The following GKAP1 variants were observed in gnomAD, a reference collection of about 807,000 sequenced individuals.
The protein encoded by GKAP1 is G kinase-anchoring protein 1.
Under a neutral mutation model 56.7 loss-of-function variants are expected in GKAP1, and 31 were observed. The ratio of observed to expected loss-of-function variants is 0.55; its 90% CI spans 0.41 to 0.74. The LOEUF (loss-of-function observed/expected upper bound fraction) is 0.74. Ranked by LOEUF, GKAP1 falls within the 30% of genes least tolerant of loss-of-function variation. The pLI is 0.00. For synonymous variants in GKAP1, 151 were observed against 138.6 expected, an observed-to-expected ratio of 1.09 and a Z score of -0.63; for missense variants, 364 against 402.3, an observed-to-expected ratio of 0.90 and a Z score of 0.82.
intron 8 of GKAP1, among the ~76,000 whole-genome samples, chr9:83,754,282 C>T (rs1943439485): frequency 6.6e-6 from 1 of 152,126 alleles, no homozygotes; most frequent in Non-Finnish European, 1.5e-5. Context: ...TCATCTTGCA[C>T]CATATACCAA....
At chr9:83,740,718 C>T (rs1351387901) in intron 12 of GKAP1, among the ~76,000 whole-genome samples, 2 of 152,102 alleles carry the variant, frequency 1.3e-5, no homozygotes, top group African/African-American at 4.8e-5. Flanking sequence ...CAATGATCAG[C>T]CAAGTTTGGG....
At chr9:83,761,116 A>G (rs1176273146) in intron 8 of GKAP1, among the ~76,000 whole-genome samples, 1 of 151,598 alleles carries the variant, frequency 6.6e-6, no homozygotes, top group Non-Finnish European at 1.5e-5. Flanking sequence ...ATTAAACTTG[A>G]AAAAAAACCT....
intron 3 of GKAP1, among the ~76,000 whole-genome samples, chr9:83,804,093 C>G (rs1315531430): frequency 4.6e-5 from 7 of 150,682 alleles, no homozygotes; most frequent in Non-Finnish European, 7.4e-5. Context: ...GCGTCTCCGC[C>G]CGGCAGCCGC....
At chr9:83,780,439 T>C (rs199669659) in intron 6 of GKAP1, 35 bp from the exon 7 acceptor site, 166 of 1,019,266 alleles carry the variant, frequency 1.6e-4, no homozygotes, top group African/African-American at 1.1e-3. Context: ...TGAAACTTTA[T>C]TGAAGGAATT....
intron 2 of GKAP1, among the ~76,000 whole-genome samples, chr9:83,815,659 A>G (rs548272118): frequency 2.0e-5 from 3 of 152,148 alleles, no homozygotes; most frequent in African/African-American, 2.4e-5. Flanking sequence ...TATGAGATGA[A>G]TGATAGCCAT....
intron 8 of GKAP1, among the ~76,000 whole-genome samples, chr9:83,767,697 T>A (rs776811171): frequency 1.3e-5 from 2 of 152,082 alleles, no homozygotes; most frequent in Non-Finnish European, 2.9e-5. Flanking sequence ...AAATTATTTA[T>A]TTAATTTTGA....
At position 83,813,918 on chromosome 9, in the gene GKAP1, T is replaced by C. The variant is rs554761640; in HGVS notation, c.-44+3078A>G. On this transcript the variant is annotated intron_variant, in intron 2 of 12. Transcript: ENST00000376371. ...GAGTTCAAGATCAGCTAGGGAAACA[T>C]GGCAAAACCCCTTCTCTACAAAATG... Among the ~76,000 whole-genome samples, 10 of 152,272 alleles carry C rather than the reference T, an allele frequency of 6.6e-5. No homozygotes were observed. The South Asian group carries it at 1.9e-3, about 28-fold the overall frequency.
At chr9:83,783,677 T>C (rs1002191115) in intron 6 of GKAP1, among the ~76,000 whole-genome samples, 6 of 152,218 alleles carry the variant, frequency 3.9e-5, no homozygotes, top group Admixed American at 3.3e-4. Context: ...CAGTTCCAGA[T>C]AACTTGAAGA....
At chr9:83,775,818 T>C (rs1176503228) in intron 7 of GKAP1, among the ~76,000 whole-genome samples, 1 of 127,496 alleles carries the variant, frequency 7.8e-6, no homozygotes, top group Non-Finnish European at 1.5e-5. Context: ...GAGGTTGCAG[T>C]GAGCCAAGAT....
intron 5 of GKAP1, among the ~76,000 whole-genome samples, chr9:83,786,024 T>C (rs944450786): frequency 6.6e-6 from 1 of 152,184 alleles, no homozygotes; most frequent in African/African-American, 2.4e-5. Flanking sequence ...TCCTCTTGTC[T>C]ACCTCATGAA....
intron 4 of GKAP1, among the ~76,000 whole-genome samples, chr9:83,798,731 G>C (rs993476538): frequency 1.3e-5 from 2 of 151,960 alleles, no homozygotes; most frequent in African/African-American, 4.8e-5. Flanking sequence ...GCCCAGGGTG[G>C]TCTCAAACTC....
chr9:83,745,342 A>C (rs867886704), intron 10 of GKAP1, among the ~76,000 whole-genome samples: 16 of 152,126 alleles, frequency 1.1e-4, no homozygotes, highest in African/African-American at 3.9e-4. Context: ...ATCTTGTGTG[A>C]TTTTGCAGAG....
chr9:83,765,549 G>A (rs984126604), intron 8 of GKAP1, among the ~76,000 whole-genome samples: 19 of 152,338 alleles, frequency 1.2e-4, no homozygotes, highest in South Asian at 6.2e-4. Flanking sequence ...AATGCCAGCC[G>A]TGAAAGCAGC....
rs77500444 is a variant in GKAP1 at position 83,774,177 on chromosome 9, T to C, written c.586-5207A>G. ...TGAGCCACTGTGCCTGGTCTATACCTACTTTACATTAATTCAAGATGGATT... is the reference window on the plus strand; with the variant it reads ...TGAGCCACTGTGCCTGGTCTATACCCACTTTACATTAATTCAAGATGGATT... On this transcript the variant is annotated intron_variant, in intron 7 of 12. Transcript: ENST00000376371. Among the ~76,000 whole-genome samples the C allele has an allele frequency of 6.1e-3, 933 of 152,052 alleles. 11 individuals are homozygous for C. The highest frequency in any genetic ancestry group is 0.021 in the African/African-American group (885 of 41,486).
rs1420260163 is a variant in GKAP1 at position 83,741,973 on chromosome 9, T to G, written c.1032A>C (p.Gln344His). The change falls in exon 12 of 13, where the codon CAA becomes CAC. Residue 344 changes from glutamine to histidine, a missense_variant. Gln to His is a conservative substitution (Grantham distance 24). Coordinates refer to ENST00000376371, the MANE Select transcript of GKAP1 (RefSeq NM_025211.4). The part of the protein sequence containing the change: ...EQERSKVKVL[Q>H]AELAKYQGGR... ...ATACCTGGTATTTGGCTAACTCTGC[T>G]TGTAATACTTTCACTTTAGATCTTT... The G allele has an allele frequency of 2.5e-6, 4 of 1,592,620 alleles. No homozygotes were observed. The highest frequency in any genetic ancestry group is 3.4e-6 in the Non-Finnish European group (4 of 1,170,588).
chr9:83,801,599 T>C lies in GKAP1; in HGVS notation c.217-2271A>G, dbSNP rs575578484. 1.9e-3 allele frequency among the ~76,000 whole-genome samples: 288 copies of C among 152,328 alleles called. 3 individuals carry two copies. The highest frequency in any genetic ancestry group is 6.4e-3 in the African/African-American group (267 of 41,576). On this transcript the variant is annotated intron_variant, in intron 3 of 12. Coordinates refer to ENST00000376371, the MANE Select transcript of GKAP1 (RefSeq NM_025211.4). ...GGAAAGGACATTCAGAAGGAGATGC[T>C]GCTGGAAATGAAGCACTGGTAGGTC...
intron 9 of GKAP1, among the ~76,000 whole-genome samples, chr9:83,751,618 A>T (rs546983394): frequency 1.3e-5 from 2 of 152,282 alleles, no homozygotes; most frequent in African/African-American, 4.8e-5. Flanking sequence ...CTGGAACTTG[A>T]TTTATTTTTT....
intron 6 of GKAP1, among the ~76,000 whole-genome samples, chr9:83,783,007 C>T (rs1054849833): frequency 6.6e-6 from 1 of 152,066 alleles, no homozygotes; most frequent in Non-Finnish European, 1.5e-5. Context: ...GTTCTTTTAA[C>T]CCCAAAACAA....
chr9:83,749,725 A>G (rs1943355500), intron 9 of GKAP1, among the ~76,000 whole-genome samples: 1 of 152,034 alleles, frequency 6.6e-6, no homozygotes, highest in Admixed American at 6.6e-5. Context: ...TTTTAAGTCC[A>G]ATAAAGATGG....
Sources: allele counts gnomAD v4.1 joint callset (sites outside exome capture counted in the v4.1 genomes callset), GRCh38; gene constraint gnomAD v4.1.1; transcripts MANE v1.5; gene names NCBI Gene and HGNC (gene_info 2026-07-23, HGNC 2026-07-21).